The following ST6GALNAC3 variants were observed in gnomAD, a reference collection of about 807,000 sequenced individuals.
ST6GALNAC3 encodes ST6 N-acetylgalactosaminide alpha-2,6-sialyltransferase 3.
A neutral mutation model predicts 32.7 loss-of-function variants in ST6GALNAC3; 25 were observed. That is an observed-to-expected ratio of 0.76 (90% CI 0.56 to 1.07). The LOEUF (loss-of-function observed/expected upper bound fraction) is 1.07. Ranked by LOEUF, ST6GALNAC3 falls within the 50% of genes least tolerant of loss-of-function variation. ST6GALNAC3 has a pLI of 0.00. For missense variants in ST6GALNAC3, 355 were observed against 382.4 expected, an observed-to-expected ratio of 0.93 and a Z score of 0.60; for synonymous variants, 129 against 133.1, an observed-to-expected ratio of 0.97 and a Z score of 0.21.
intron 3 of ST6GALNAC3, among the ~76,000 whole-genome samples, chr1:76,526,971 G>A (rs1057422920): frequency 6.6e-6 from 1 of 152,136 alleles, no homozygotes; most frequent in East Asian, 1.9e-4. Flanking sequence ...GGGGTTGAGA[G>A]GAGAATGGGT....
At chr1:76,112,080 C>G (rs1648007944) in intron 1 of ST6GALNAC3, among the ~76,000 whole-genome samples, 1 of 148,052 alleles carries the variant, frequency 6.8e-6, no homozygotes, top group Non-Finnish European at 1.5e-5. Flanking sequence ...GACCCCCCCA[C>G]CTCCCTCCCG....
intron 3 of ST6GALNAC3, among the ~76,000 whole-genome samples, chr1:76,504,548 C>T (rs941808535): frequency 6.6e-6 from 1 of 152,084 alleles, no homozygotes; most frequent in Non-Finnish European, 1.5e-5. Flanking sequence ...AAGAATTATA[C>T]TTTCATACCA....
intron 3 of ST6GALNAC3, among the ~76,000 whole-genome samples, chr1:76,437,671 G>A (rs934155825): frequency 1.3e-5 from 2 of 149,740 alleles, no homozygotes; most frequent in African/African-American, 2.5e-5. Flanking sequence ...TCTGCCTCCC[G>A]AGTTCAAGCT....
At chr1:76,277,528 G>GTATATATA (rs370795804) in intron 1 of ST6GALNAC3, among the ~76,000 whole-genome samples, 2 of 84,576 alleles carry the variant, frequency 2.4e-5, no homozygotes, top group Non-Finnish European at 4.4e-5. Context: ...ATGTTTATGT[G>GTATATATA]TATATATATA....
chr1:76,497,877 A>T (rs954138528), intron 3 of ST6GALNAC3, among the ~76,000 whole-genome samples: 10 of 152,178 alleles, frequency 6.6e-5, no homozygotes, highest in African/African-American at 2.2e-4. Context: ...GGCAGTATTG[A>T]AGAGGATGAG....
At chr1:76,262,122 T>C (rs1365383378) in intron 1 of ST6GALNAC3, among the ~76,000 whole-genome samples, 1 of 152,202 alleles carries the variant, frequency 6.6e-6, no homozygotes, top group Non-Finnish European at 1.5e-5. Flanking sequence ...ATAGGTACCA[T>C]TTATTGAGCA....
chr1:76,219,625 G>T (rs1655657772), intron 1 of ST6GALNAC3, among the ~76,000 whole-genome samples: 1 of 152,208 alleles, frequency 6.6e-6, no homozygotes, highest in Non-Finnish European at 1.5e-5. Context: ...GCCCTAAATG[G>T]TGAAAGGGTT....
intron 3 of ST6GALNAC3, among the ~76,000 whole-genome samples, chr1:76,431,336 A>G (rs981105722): frequency 3.9e-5 from 6 of 152,202 alleles, no homozygotes; most frequent in African/African-American, 1.4e-4. Flanking sequence ...AAAGTGGGTG[A>G]AGAGCTCCAG....
intron 1 of ST6GALNAC3, among the ~76,000 whole-genome samples, chr1:76,116,550 A>G (rs116161556): frequency 1.9e-3 from 286 of 152,270 alleles, no homozygotes; most frequent in African/African-American, 6.7e-3. Flanking sequence ...ATTGGATTAT[A>G]AAGTGAAGAG....
intron 3 of ST6GALNAC3, among the ~76,000 whole-genome samples, chr1:76,462,394 T>C (rs542793170): frequency 6.6e-6 from 1 of 152,282 alleles, no homozygotes; most frequent in African/African-American, 2.4e-5. Flanking sequence ...ATTCCTTTTT[T>C]AGACTGCCTT....
intron 1 of ST6GALNAC3, among the ~76,000 whole-genome samples, chr1:76,089,041 T>G (rs923165576): frequency 3.9e-5 from 6 of 152,054 alleles, no homozygotes; most frequent in African/African-American, 1.4e-4. Flanking sequence ...GGATTTTGTT[T>G]TTTTTGAGGT....
At chr1:76,450,690 T>G (rs769640677) in intron 3 of ST6GALNAC3, among the ~76,000 whole-genome samples, 1 of 152,358 alleles carries the variant, frequency 6.6e-6, no homozygotes, top group South Asian at 2.1e-4. Context: ...GTTTCAGGTC[T>G]TAGATATAAA....
At chr1:76,156,126 G>A (rs1209613649) in intron 1 of ST6GALNAC3, among the ~76,000 whole-genome samples, 2 of 152,130 alleles carry the variant, frequency 1.3e-5, no homozygotes, top group Non-Finnish European at 2.9e-5. Context: ...TAATTAGACT[G>A]GGGTTATGGG....
chr1:76,396,501 T>C (rs866322816), intron 2 of ST6GALNAC3, among the ~76,000 whole-genome samples: 16 of 152,168 alleles, frequency 1.1e-4, no homozygotes, highest in Middle Eastern at 3.4e-3. Flanking sequence ...ATCCACTTCT[T>C]ATTCCTTGTT....
intron 2 of ST6GALNAC3, among the ~76,000 whole-genome samples, chr1:76,322,530 G>A (rs1344775902): frequency 2.6e-5 from 4 of 152,094 alleles, no homozygotes; most frequent in Non-Finnish European, 5.9e-5. Flanking sequence ...TCATTTCACT[G>A]TTCTTAAGAA....
At chr1:76,245,033 ATAGAATTCCTCTG>A (rs1173668581) in intron 1 of ST6GALNAC3, among the ~76,000 whole-genome samples, 1 of 152,048 alleles carries the variant, frequency 6.6e-6, no homozygotes, top group Non-Finnish European at 1.5e-5. Flanking sequence ...TGTACCTCTG[ATAGAATTCCTCTG>A]TGGATCCATC....
chr1:76,411,915 A>G, intron 2 of ST6GALNAC3, 93 bp from the exon 3 acceptor site: 1 of 1,336,830 alleles, frequency 7.5e-7, no homozygotes, highest in Non-Finnish European at 1.0e-6. Flanking sequence ...ATATTTGGTA[A>G]TTATACAATA....
chr1:76,590,886 T>C (rs1339002727), intron 3 of ST6GALNAC3, among the ~76,000 whole-genome samples: 1 of 152,206 alleles, frequency 6.6e-6, no homozygotes, highest in Non-Finnish European at 1.5e-5. Flanking sequence ...TTAAAGTAGA[T>C]GATTCATTTG....
At chr1:76,456,563 A>G (rs967859299) in intron 3 of ST6GALNAC3, among the ~76,000 whole-genome samples, 1 of 152,210 alleles carries the variant, frequency 6.6e-6, no homozygotes, top group Non-Finnish European at 1.5e-5. Context: ...CAAATCAATA[A>G]ATGTAATCCA....
Sources: allele counts gnomAD v4.1 joint callset (sites outside exome capture counted in the v4.1 genomes callset), GRCh38; gene constraint gnomAD v4.1.1; transcripts MANE v1.5; gene names NCBI Gene and HGNC (gene_info 2026-07-23, HGNC 2026-07-21).